Variants in KLF12 observed in about 807,000 individuals in gnomAD.
KLF12 encodes Krueppel-like factor 12.
KLF12 carries 9 observed loss-of-function variants against 37.8 expected under a neutral mutation model. That is an observed-to-expected ratio of 0.24 (90% CI 0.14 to 0.42). The LOEUF (loss-of-function observed/expected upper bound fraction) is 0.42. Among genes scored for constraint, KLF12 ranks in the 10% least tolerant of loss-of-function variants. The probability of loss-of-function intolerance (pLI) is 1.00; values close to 1 mark genes in which losing one functional copy is unlikely to be tolerated. For missense variants in KLF12, 411 were observed against 516.0 expected (o/e 0.80, Z 1.97); for synonymous variants, 208 against 202.1 (o/e 1.03, Z -0.25).
In KLF12 at chr13:73,781,069, C is replaced by T. The variant is rs373169881; in HGVS notation, c.807-16069G>A. 4.6e-5 allele frequency among the ~76,000 whole-genome samples: 7 copies of T among 152,218 alleles called. No individual in the cohort carries two copies. The East Asian group carries it at 7.7e-4, about 17-fold the overall frequency. On this transcript the variant is annotated intron_variant, in intron 5 of 7. Transcript: ENST00000377669. ...GGCCACTCCAACCTTCAGCAACCAC[C>T]ACACTGATGAGTCAGTCTTCAGAGG...
the KLF12 span, among the ~76,000 whole-genome samples, chr13:74,152,756 C>G: frequency 3.9e-5 from 6 of 151,952 alleles, 1 homozygote; most frequent in South Asian, 1.3e-3. Flanking sequence ...GTGGTGTGCA[C>G]GTCAGTAGTC....
the KLF12 span, among the ~76,000 whole-genome samples, chr13:74,282,433 A>G: frequency 6.6e-6 from 1 of 152,138 alleles, no homozygotes; most frequent in African/African-American, 2.4e-5. Flanking sequence ...TGTTAATACC[A>G]CCCACTATTT....
At chr13:73,759,079 C>A (rs551906025) in intron 6 of KLF12, among the ~76,000 whole-genome samples, 2 of 152,134 alleles carry the variant, frequency 1.3e-5, no homozygotes, top group African/African-American at 4.8e-5. Flanking sequence ...CCTGCAGGCA[C>A]TTCTTTTTAT....
chr13:73,943,498 G>A (rs1455872276), intron 3 of KLF12, among the ~76,000 whole-genome samples: 2 of 152,066 alleles, frequency 1.3e-5, no homozygotes, highest in Non-Finnish European at 2.9e-5. Context: ...CAAATTCAGT[G>A]ACCTCATCAA....
At chr13:73,875,146 T>G (rs1886644708) in intron 3 of KLF12, among the ~76,000 whole-genome samples, 1 of 69,942 alleles carries the variant, frequency 1.4e-5, no homozygotes, top group African/African-American at 5.6e-5. Flanking sequence ...AAAAAAGAAC[T>G]TGAACAGATT....
In KLF12 at chr13:73,722,020, G is replaced by C. The variant is rs536917122; in HGVS notation, c.870-6495C>G. 6.1e-4 allele frequency among the ~76,000 whole-genome samples: 93 copies of C among 152,182 alleles called. 2 individuals carry two copies. In the South Asian group the frequency reaches 0.019, roughly 31 times the overall value. On this transcript the variant is annotated intron_variant, in intron 6 of 7. Coordinates refer to ENST00000377669, the MANE Select transcript of KLF12 (RefSeq NM_007249.5). The stretch of plus-strand genomic sequence containing the variant: ...ATTTACAATTGTACCAAAAAGAATT[G>C]AGTTGGTTGCACGATAGAATTACCT...
chr13:73,790,991 A>G (rs1332754123), intron 5 of KLF12, among the ~76,000 whole-genome samples: 1 of 152,186 alleles, frequency 6.6e-6, no homozygotes, highest in Non-Finnish European at 1.5e-5. Context: ...TGATCTTGAC[A>G]TTTTTGAGAA....
chr13:74,138,382 A>G (rs1365685689), upstream of KLF12, among the ~76,000 whole-genome samples: 2 of 152,156 alleles, frequency 1.3e-5, no homozygotes, highest in African/African-American at 4.8e-5. Context: ...TCAAGCCTCT[A>G]TTTTTCATAT....
chr13:74,070,168 C>T (rs116679951), intron 1 of KLF12, among the ~76,000 whole-genome samples: 6 of 152,266 alleles, frequency 3.9e-5, no homozygotes, highest in African/African-American at 1.4e-4. Flanking sequence ...GACCCATCCA[C>T]AAGACTACAA....
intron 3 of KLF12, among the ~76,000 whole-genome samples, chr13:73,871,369 C>T (rs1886455423): frequency 6.6e-6 from 1 of 152,192 alleles, no homozygotes; most frequent in African/African-American, 2.4e-5. Flanking sequence ...ATACTAAATT[C>T]CTGTTCTCCT....
chr13:73,731,383 T>C (rs1329654216), intron 6 of KLF12, among the ~76,000 whole-genome samples: 1 of 151,988 alleles, frequency 6.6e-6, no homozygotes, highest in Non-Finnish European at 1.5e-5. Flanking sequence ...AAAAAAATAG[T>C]AGAAACTAGG....
intron 5 of KLF12, among the ~76,000 whole-genome samples, chr13:73,805,611 AG>A (rs1480798381): frequency 0.056 from 2,014 of 36,262 alleles, 89 homozygotes; most frequent in Non-Finnish European, 0.081. Context: ...GTCAGAAGGA[AG>A]GGAGGGAGGG....
At chr13:74,285,495 G>A in the KLF12 span, among the ~76,000 whole-genome samples, 1 of 152,304 alleles carries the variant, frequency 6.6e-6, no homozygotes, top group South Asian at 2.1e-4. Flanking sequence ...CATAACTGCA[G>A]ACTGACGTTT....
the KLF12 span, among the ~76,000 whole-genome samples, chr13:74,298,064 G>T: frequency 6.6e-6 from 1 of 152,164 alleles, no homozygotes; most frequent in African/African-American, 2.4e-5. Context: ...GTGGTCAAGA[G>T]AAATGAAATG....
At chr13:73,714,410 T>G (rs1875640443) in intron 7 of KLF12, among the ~76,000 whole-genome samples, 1 of 152,242 alleles carries the variant, frequency 6.6e-6, no homozygotes. Flanking sequence ...TTCACATGTC[T>G]GAGATGGGAA....
intron 1 of KLF12, among the ~76,000 whole-genome samples, chr13:74,107,621 A>G (rs1373626904): frequency 6.6e-6 from 1 of 152,250 alleles, no homozygotes; most frequent in Non-Finnish European, 1.5e-5. Flanking sequence ...ATTAGAAACT[A>G]GAAATCAGGG....
chr13:74,165,033 G>C, the KLF12 span, among the ~76,000 whole-genome samples: 1 of 152,080 alleles, frequency 6.6e-6, no homozygotes, highest in African/African-American at 2.4e-5. Context: ...CTGTACATTT[G>C]AAAATAACTG....
At chr13:74,089,248 C>CA (rs1370915728) in intron 1 of KLF12, among the ~76,000 whole-genome samples, 1 of 152,122 alleles carries the variant, frequency 6.6e-6, no homozygotes, top group Non-Finnish European at 1.5e-5. Context: ...GGTGGAGAAT[C>CA]AAAGACACAC....
chr13:74,089,289 T>A (rs557989623), intron 1 of KLF12, among the ~76,000 whole-genome samples: 1 of 152,274 alleles, frequency 6.6e-6, no homozygotes, highest in South Asian at 2.1e-4. Context: ...AGTAGATTCA[T>A]TCCATTTTTA....
Sources: gnomAD v4.1 joint callset for allele counts (sites outside exome capture counted in the v4.1 genomes callset) on GRCh38, gnomAD v4.1.1 for gene constraint, MANE v1.5 for transcripts, NCBI Gene and HGNC (gene_info 2026-07-23, HGNC 2026-07-21) for gene names.